The following IGSF10 variants were observed in gnomAD, a reference collection of about 807,000 sequenced individuals.
IGSF10 encodes the protein calvaria mechanical force protein 608.
A neutral mutation model predicts 128.2 loss-of-function variants in IGSF10; 126 were observed. The ratio of observed to expected loss-of-function variants is 0.98; its 90% CI spans 0.85 to 1.14. The LOEUF (loss-of-function observed/expected upper bound fraction) is 1.14, where lower values mean the gene tolerates loss of function less well. IGSF10 is among the 50% of genes most tolerant of loss of function. The probability of loss-of-function intolerance (pLI) is 0.00; values close to 1 mark genes in which losing one functional copy is unlikely to be tolerated. For missense variants in IGSF10, 3,295 were observed against 3,149.8 expected (o/e 1.05, Z -1.10); for synonymous variants, 1,185 against 1,146.2 (o/e 1.03, Z -0.68).
At chr3:151,607,911 G>A in the IGSF10 span, among the ~76,000 whole-genome samples, 12 of 38,732 alleles carry the variant, frequency 3.1e-4, no homozygotes, top group African/African-American at 1.8e-3. Flanking sequence ...ACTCCATCTC[G>A]GAAAAAAAAA....
Position 151,446,159 on chromosome 3 carries a change from CGTA to C in IGSF10, c.3819_3821del (p.Thr1275del), listed in dbSNP as rs776307705. On this transcript the variant is annotated inframe_deletion, in exon 6 of 8. Coordinates refer to ENST00000282466, the MANE Select transcript of IGSF10 (RefSeq NM_178822.5). ...GACTTCCAGGATTGTGTGTTTTGGT[CGTA>C]GTGTGGTGAGCGGTAGTCAAGGTAT... The C allele has an allele frequency of 3.7e-6, 6 of 1,613,924 alleles. No homozygotes were observed. The Admixed American group carries it at 1.0e-4, about 27-fold the overall frequency.
the IGSF10 span, among the ~76,000 whole-genome samples, chr3:151,570,546 T>C: frequency 6.6e-6 from 1 of 152,252 alleles, no homozygotes; most frequent in African/African-American, 2.4e-5. Flanking sequence ...TTGAAAAGTG[T>C]CTGTTCATAT....
At chr3:151,583,864 G>A in the IGSF10 span, among the ~76,000 whole-genome samples, 21 of 152,058 alleles carry the variant, frequency 1.4e-4, no homozygotes, top group Non-Finnish European at 2.4e-4. Context: ...GATTTGTCAA[G>A]TCTGACTTTT....
rs377415334 is a variant in IGSF10, at chr3:151,454,652, A to G, written c.325-878T>C. Among the ~76,000 whole-genome samples, 9 of 152,104 alleles carry G rather than the reference A, an allele frequency of 5.9e-5. No individual in the cohort carries two copies. The East Asian group carries it at 7.7e-4, about 13-fold the overall frequency. ...TTCTTAAACATAAATTTTTCATAAG[A>G]GAGACTATTGATTTTAATTTATTGA... is the stretch of plus-strand genomic sequence containing the variant. On this transcript the variant is annotated intron_variant, in intron 4 of 7. Transcript: ENST00000282466.
chr3:151,575,401 CT>C, the IGSF10 span, among the ~76,000 whole-genome samples: 2 of 152,214 alleles, frequency 1.3e-5, no homozygotes, highest in East Asian at 3.9e-4. Context: ...TTCCCGGTCG[CT>C]TTTTTTACCT....
the IGSF10 span, among the ~76,000 whole-genome samples, chr3:151,508,667 T>C: frequency 6.6e-6 from 1 of 152,188 alleles, no homozygotes; most frequent in Admixed American, 6.5e-5. Context: ...CTTTACAAAA[T>C]CAAATTTCAG....
Position 151,448,498 on chromosome 3 carries a change from G to A in IGSF10, c.1483C>T (p.Leu495=), listed in dbSNP as rs754684407. 6.2e-6 allele frequency: 10 copies of A among 1,614,070 alleles called. No homozygotes were observed. Among genetic ancestry groups the A allele is most frequent in the South Asian group, 1.1e-5 (1 of 91,078 alleles). The change falls in exon 6 of 8, where the codon CTG becomes TTG. Residue 495 remains leucine (L), a synonymous_variant. Coordinates refer to ENST00000282466, the MANE Select transcript of IGSF10 (RefSeq NM_178822.5). ...HTVLVGGTVG[L]NCPGQGDPTP... is the part of the protein sequence containing the mutation. ...GGGTCTCCTTGGCCTGGGCAGTTCAGGCCAACGGTTCCACCTACCAAGACA... is the reference window on the plus strand; with the variant it reads ...GGGTCTCCTTGGCCTGGGCAGTTCAAGCCAACGGTTCCACCTACCAAGACA...
At chr3:151,599,641 A>G in the IGSF10 span, among the ~76,000 whole-genome samples, 24 of 152,336 alleles carry the variant, frequency 1.6e-4, 1 homozygote, top group Admixed American at 1.1e-3. Context: ...TTTAAACACT[A>G]ATTAAGCAAA....
chr3:151,474,613 C>T, the IGSF10 span, among the ~76,000 whole-genome samples: 3 of 152,168 alleles, frequency 2.0e-5, no homozygotes, highest in African/African-American at 7.2e-5. Context: ...TGTTGAACTG[C>T]CTATATTGTA....
chr3:151,473,662 A>G, the IGSF10 span, among the ~76,000 whole-genome samples: 1 of 152,208 alleles, frequency 6.6e-6, no homozygotes, highest in Non-Finnish European at 1.5e-5. Flanking sequence ...GATGTTGTTC[A>G]GGAGCTGTGC....
chr3:151,436,675 T>TTTA lies in IGSF10; in HGVS notation c.*11_*13dup. 1 of 1,552,404 alleles carries TTTA rather than the reference T, an allele frequency of 6.4e-7. No homozygotes were observed. The highest frequency in any genetic ancestry group is 8.7e-7 in the Non-Finnish European group (1 of 1,145,858). On this transcript the variant is annotated 3_prime_UTR_variant, in exon 8 of 8. Coordinates refer to ENST00000282466, the MANE Select transcript of IGSF10 (RefSeq NM_178822.5). ...TAAATTCTGCCCAGATGTTGTTGAC[T>TTTA]TTATTATTTCATGTCAGATTACTTG...
intron 7 of IGSF10, among the ~76,000 whole-genome samples, chr3:151,442,527 C>T (rs941833491): frequency 6.7e-6 from 1 of 150,018 alleles, no homozygotes; most frequent in African/African-American, 2.5e-5. Context: ...TTACAGGCGC[C>T]CGGCCACCAT....
At chr3:151,435,057 G>C (rs969265235), downstream of IGSF10, 2 of 133,332 alleles carry the variant, frequency 1.5e-5, no homozygotes, top group Admixed American at 8.2e-5. Flanking sequence ...TATCTTGAGA[G>C]GTTTCTTTTT....
chr3:151,541,370 T>C, the IGSF10 span, among the ~76,000 whole-genome samples: 3,269 of 152,294 alleles, frequency 0.021, 38 homozygotes, highest in Middle Eastern at 0.054. Flanking sequence ...AGCTGAGTCA[T>C]GTCAAAAAAA....
At chr3:151,575,118 T>G in the IGSF10 span, among the ~76,000 whole-genome samples, 1 of 152,150 alleles carries the variant, frequency 6.6e-6, no homozygotes, top group East Asian at 1.9e-4. Flanking sequence ...AAGCTTTGTC[T>G]CAGAGGGGCA....
chr3:151,572,514 G>C, the IGSF10 span, among the ~76,000 whole-genome samples: 1 of 152,260 alleles, frequency 6.6e-6, no homozygotes, highest in African/African-American at 2.4e-5. Flanking sequence ...GCGTAGAGGT[G>C]TTTATAGTAT....
At chr3:151,550,797 A>G in the IGSF10 span, among the ~76,000 whole-genome samples, 4 of 152,032 alleles carry the variant, frequency 2.6e-5, no homozygotes, top group East Asian at 1.9e-4. Flanking sequence ...CCTGGAGTTG[A>G]TCCTATCATT....
At chr3:151,502,809 T>C in the IGSF10 span, among the ~76,000 whole-genome samples, 6 of 152,050 alleles carry the variant, frequency 3.9e-5, no homozygotes, top group African/African-American at 1.2e-4. Flanking sequence ...GAGCTAACAA[T>C]ACAGCAAGAA....
intron 4 of IGSF10, among the ~76,000 whole-genome samples, chr3:151,456,286 C>T (rs1489421708): frequency 6.6e-6 from 1 of 152,172 alleles, no homozygotes; most frequent in African/African-American, 2.4e-5. Context: ...GGTACTTCAT[C>T]TTTTACAAGG....
Sources: gnomAD v4.1 joint callset for allele counts (sites outside exome capture counted in the v4.1 genomes callset) on GRCh38, gnomAD v4.1.1 for gene constraint, MANE v1.5 for transcripts, NCBI Gene and HGNC (gene_info 2026-07-23, HGNC 2026-07-21) for gene names.